Variants in GDF5 observed in about 807,000 individuals in gnomAD.
GDF5 encodes growth differentiation factor 5.
A neutral mutation model predicts 34.6 loss-of-function variants in GDF5; 17 were observed. The observed-to-expected ratio is 0.49, with a 90% CI of 0.34 to 0.74. GDF5 has a LOEUF of 0.74. GDF5 is among the 30% of genes least tolerant of loss of function. GDF5 has a pLI of 0.01. For synonymous variants in GDF5, 332 were observed against 290.7 expected (o/e 1.14, Z -1.44); for missense variants, 616 against 661.2 (o/e 0.93, Z 0.75).
At chr20:35,452,970 C>A (rs566513292) in intron 1 of GDF5, among the ~76,000 whole-genome samples, 1 of 152,194 alleles carries the variant, frequency 6.6e-6, no homozygotes, top group African/African-American at 2.4e-5. Flanking sequence ...CAGAAGACGG[C>A]CGGGTGCGGT....
intron 1 of GDF5, among the ~76,000 whole-genome samples, chr20:35,448,337 G>C (rs1385974441): frequency 6.7e-6 from 1 of 149,518 alleles, no homozygotes; most frequent in East Asian, 2.0e-4. Flanking sequence ...AAGAACATAA[G>C]GCAAGCTGGA....
At chr20:35,441,675 G>C (rs191375771), upstream of GDF5, among the ~76,000 whole-genome samples, 1 of 150,854 alleles carries the variant, frequency 6.6e-6, no homozygotes, top group Non-Finnish European at 1.5e-5. Context: ...GGATGGTCTC[G>C]ATCTCCTGAC....
chr20:35,453,867 A>C, intron 1 of GDF5: 1 of 531,020 alleles, frequency 1.9e-6, no homozygotes, highest in Non-Finnish European at 3.9e-6. Context: ...ATTTTGTACC[A>C]GGCCTTGTGC....
chr20:35,443,053 G>A (rs546486405), upstream of GDF5, among the ~76,000 whole-genome samples: 1 of 152,140 alleles, frequency 6.6e-6, no homozygotes, highest in African/African-American at 2.4e-5. Context: ...GGACATGGAG[G>A]AGTCTCGAGG....
At chr20:35,447,047 TG>T (rs943197167) in intron 1 of GDF5, among the ~76,000 whole-genome samples, 19 of 152,134 alleles carry the variant, frequency 1.2e-4, no homozygotes, top group Admixed American at 9.2e-4. Flanking sequence ...TTGTTACATA[TG>T]TTTTTTTAAA....
chr20:35,446,954 C>T (rs193146858), intron 1 of GDF5, among the ~76,000 whole-genome samples: 1 of 152,244 alleles, frequency 6.6e-6, no homozygotes, highest in African/African-American at 2.4e-5. Context: ...CACTCACCCG[C>T]GCCGCAAACC....
intron 1 of GDF5, among the ~76,000 whole-genome samples, chr20:35,445,386 C>T (rs978249804): frequency 3.0e-4 from 45 of 151,922 alleles, no homozygotes; most frequent in African/African-American, 1.0e-3. Flanking sequence ...AAAAACTGGC[C>T]GGGTGCAGTG....
intron 1 of GDF5, among the ~76,000 whole-genome samples, chr20:35,436,094 C>T (rs1352821185): frequency 6.6e-6 from 1 of 152,174 alleles, no homozygotes; most frequent in Non-Finnish European, 1.5e-5. Flanking sequence ...TCCGAATCAG[C>T]ATGCCCTCCT....
chr20:35,438,824 C>CGCGTGT (rs1196886737), upstream of GDF5, among the ~76,000 whole-genome samples: 1 of 126,406 alleles, frequency 7.9e-6, no homozygotes, highest in Non-Finnish European at 1.7e-5. Flanking sequence ...ATTTGTTATG[C>CGCGTGT]GTGTGTGTGT....
At chr20:35,453,775 G>A (rs1315624659) in intron 1 of GDF5, among the ~76,000 whole-genome samples, 1 of 152,114 alleles carries the variant, frequency 6.6e-6, no homozygotes, top group Non-Finnish European at 1.5e-5. Flanking sequence ...GTTACCTTTG[G>A]CTGTGGATTA....
At chr20:35,454,024 G>A (rs756144771) in intron 1 of GDF5, 1 of 534,386 alleles carries the variant, frequency 1.9e-6, no homozygotes, top group Non-Finnish European at 3.8e-6. Context: ...CCCCGGTTTA[G>A]GGATTCTCTG....
chr20:35,453,885 T>G (rs2062549471), intron 1 of GDF5: 23 of 534,332 alleles, frequency 4.3e-5, no homozygotes, highest in Non-Finnish European at 8.5e-5. Context: ...TGCTGAGCGC[T>G]ATAGTCAGAT....
At chr20:35,440,643 A>AT (rs2062494807), upstream of GDF5, among the ~76,000 whole-genome samples, 1 of 152,032 alleles carries the variant, frequency 6.6e-6, no homozygotes, top group Non-Finnish European at 1.5e-5. Flanking sequence ...GCTCTTTTAC[A>AT]TTTTTTGGCA....
chr20:35,442,431 G>A (rs573264106), upstream of GDF5, among the ~76,000 whole-genome samples: 13 of 152,052 alleles, frequency 8.5e-5, no homozygotes, highest in Admixed American at 7.9e-4. Flanking sequence ...ATAAATGAAC[G>A]AGTTGAACAA....
intron 1 of GDF5, chr20:35,454,573 G>A (rs926772445): frequency 1.9e-5 from 3 of 154,908 alleles, no homozygotes; most frequent in African/African-American, 7.2e-5. Context: ...GACGGATTAA[G>A]TCAGGTAAAG....
At chr20:35,441,122 G>C (rs955784239), upstream of GDF5, 1 of 152,232 alleles carries the variant, frequency 6.6e-6, no homozygotes, top group African/African-American at 2.4e-5. Flanking sequence ...GGATTCTGGA[G>C]ACAAACAGAC....
chr20:35,435,856 C>T (rs1447248719), intron 1 of GDF5, among the ~76,000 whole-genome samples: 1 of 152,004 alleles, frequency 6.6e-6, no homozygotes, highest in Non-Finnish European at 1.5e-5. Flanking sequence ...AATGATTGGG[C>T]TTGTGTGACT....
At chr20:35,453,821 TCATTCACC>T (rs1332287898) in intron 1 of GDF5, 1 of 478,762 alleles carries the variant, frequency 2.1e-6, no homozygotes, top group Admixed American at 2.2e-5. Context: ...AGCTATCCAC[TCATTCACC>T]CATTCACTCA....
chr20:35,446,150 A>T (rs1276466208), intron 1 of GDF5, among the ~76,000 whole-genome samples: 2 of 151,894 alleles, frequency 1.3e-5, no homozygotes, highest in Admixed American at 6.6e-5. Context: ...TCTACTAAAA[A>T]TACAAAAAAA....
Sources: gnomAD v4.1 joint callset for allele counts (sites outside exome capture counted in the v4.1 genomes callset) on GRCh38, gnomAD v4.1.1 for gene constraint, MANE v1.5 for transcripts, NCBI Gene and HGNC (gene_info 2026-07-23, HGNC 2026-07-21) for gene names.